Variants in PRDM16 observed in about 807,000 individuals in gnomAD.
PRDM16 encodes the protein PR/SET domain 16.
Under a neutral mutation model 110.6 loss-of-function variants are expected in PRDM16, and 23 were observed. The ratio of observed to expected loss-of-function variants is 0.21; its 90% CI spans 0.15 to 0.29. The LOEUF is 0.29. PRDM16 is among the 10% of genes least tolerant of loss of function. The pLI is 1.00. For synonymous variants in PRDM16, 799 were observed against 781.8 expected, an observed-to-expected ratio of 1.02 and a Z score of -0.37; for missense variants, 1,615 against 1,794.3, an observed-to-expected ratio of 0.90 and a Z score of 1.81.
intron 8 of PRDM16, among the ~76,000 whole-genome samples, chr1:3,408,775 T>A (rs1253113444): frequency 8.0e-6 from 1 of 125,332 alleles, no homozygotes; most frequent in African/African-American, 3.4e-5. Context: ...AGTGCATGAG[T>A]GTGGGCGCGT....
intron 2 of PRDM16, among the ~76,000 whole-genome samples, chr1:3,191,167 A>G (rs1334161590): frequency 6.6e-6 from 1 of 152,258 alleles, no homozygotes; most frequent in Non-Finnish European, 1.5e-5. Context: ...CCTCTGCTGA[A>G]GAGGCCAGGT....
chr1:3,100,298 G>A (rs967468745), intron 1 of PRDM16, among the ~76,000 whole-genome samples: 77 of 152,182 alleles, frequency 5.1e-4, no homozygotes, highest in Admixed American at 2.6e-4. Flanking sequence ...AGACCCGTTC[G>A]CTCTTCATAA....
chr1:3,433,864 G>A lies in PRDM16; in HGVS notation c.*53G>A. 1 of 1,599,328 alleles carries A rather than the reference G, an allele frequency of 6.3e-7. No individual in the cohort carries two copies. Among genetic ancestry groups the A allele is most frequent in the Non-Finnish European group, 8.5e-7 (1 of 1,173,980 alleles). ...CAGAGCGAGGGCACCAGCCACGAAG[G>A]ACGGAGGCGGGCGGGGCCCCGGAGA... On this transcript the variant is annotated 3_prime_UTR_variant, in exon 17 of 17. Coordinates refer to ENST00000270722, the MANE Select transcript of PRDM16 (RefSeq NM_022114.4).
intron 1 of PRDM16, among the ~76,000 whole-genome samples, chr1:3,123,691 C>T (rs934830937): frequency 6.6e-5 from 10 of 152,234 alleles, no homozygotes; most frequent in Admixed American, 3.9e-4. Flanking sequence ...TCAGGAGATG[C>T]GGCTGTGAGG....
intron 1 of PRDM16, among the ~76,000 whole-genome samples, chr1:3,102,052 C>T (rs1642545360): frequency 1.3e-5 from 2 of 152,206 alleles, no homozygotes; most frequent in South Asian, 4.1e-4. Flanking sequence ...TCCTGATTTA[C>T]AAAACCAAGG....
At chr1:3,218,619 C>T (rs1230602742) in intron 2 of PRDM16, among the ~76,000 whole-genome samples, 1 of 152,240 alleles carries the variant, frequency 6.6e-6, no homozygotes, top group Non-Finnish European at 1.5e-5. Flanking sequence ...CTCTGCCTTC[C>T]TTCTGGCTCT....
intron 2 of PRDM16, 38 bp downstream of exon 2, chr1:3,186,512 T>A: frequency 7.8e-7 from 1 of 1,290,172 alleles, no homozygotes; most frequent in Non-Finnish European, 1.1e-6. Context: ...ATCACGGCCA[T>A]TTATCTTGTG....
At chr1:3,191,773 C>G (rs997359778) in intron 2 of PRDM16, among the ~76,000 whole-genome samples, 1 of 152,182 alleles carries the variant, frequency 6.6e-6, no homozygotes, top group African/African-American at 2.4e-5. Context: ...CCCAGCCAGG[C>G]ACCTGGCTCC....
intron 2 of PRDM16, among the ~76,000 whole-genome samples, chr1:3,197,511 C>A (rs74048303): frequency 6.6e-6 from 1 of 152,250 alleles, no homozygotes; most frequent in Non-Finnish European, 1.5e-5. Flanking sequence ...ACCTGCAGTG[C>A]GGTCCCTGCA....
At chr1:3,233,582 G>A (rs1639468655) in intron 2 of PRDM16, among the ~76,000 whole-genome samples, 1 of 152,242 alleles carries the variant, frequency 6.6e-6, no homozygotes. Flanking sequence ...CCCTGTGAGT[G>A]CGGCCAGCCT....
intron 2 of PRDM16, among the ~76,000 whole-genome samples, chr1:3,212,402 G>A (rs1042938045): frequency 6.6e-6 from 1 of 152,142 alleles, no homozygotes; most frequent in African/African-American, 2.4e-5. Context: ...CCTGAGCGGG[G>A]GCACCTTTGA....
At chr1:3,404,092 G>C (rs1045316473) in intron 6 of PRDM16, among the ~76,000 whole-genome samples, 5 of 152,206 alleles carry the variant, frequency 3.3e-5, no homozygotes, top group Admixed American at 6.5e-5. Context: ...TGAATGGATG[G>C]CTGGGCCCCG....
chr1:3,104,810 C>T (rs1642614045), intron 1 of PRDM16, among the ~76,000 whole-genome samples: 1 of 152,146 alleles, frequency 6.6e-6, no homozygotes, highest in African/African-American at 2.4e-5. Flanking sequence ...CCCTGAAGGG[C>T]AGGGATGCTT....
chr1:3,426,130 A>G lies in PRDM16; in HGVS notation c.3189A>G (p.Ala1063=), dbSNP rs1557670065. 3.4e-5 allele frequency: 55 copies of G among 1,613,858 alleles called. No individual in the cohort carries two copies. The highest frequency in any genetic ancestry group is 4.3e-5 in the Non-Finnish European group (51 of 1,179,994). ...CCACCTCAGAGTCGGACAACCACGC[A>G]CTTTTAGACGAGAAAGAAGACTCTT... ...SSPTSESDNH[A]LLDEKEDSYF... is the part of the protein sequence containing the mutation. Residue 1063 remains alanine, a synonymous_variant, in exon 14 of 17, where the codon GCA becomes GCG. Transcript: ENST00000270722.
At chr1:3,389,008 ACTGT>A (rs1643248740) in intron 4 of PRDM16, among the ~76,000 whole-genome samples, 1 of 152,170 alleles carries the variant, frequency 6.6e-6, no homozygotes, top group East Asian at 1.9e-4. Context: ...CCCGGTTCTG[ACTGT>A]CTGGCCAGGA....
intron 1 of PRDM16, among the ~76,000 whole-genome samples, chr1:3,123,994 C>G (rs533764891): frequency 6.6e-6 from 1 of 152,206 alleles, no homozygotes; most frequent in African/African-American, 2.4e-5. Context: ...GGTGGGCGTC[C>G]GAGTCGTCTC....
intron 3 of PRDM16, among the ~76,000 whole-genome samples, chr1:3,288,899 C>T (rs962093306): frequency 6.6e-6 from 1 of 152,184 alleles, no homozygotes; most frequent in Non-Finnish European, 1.5e-5. Flanking sequence ...CCACATTGAC[C>T]AGTGCCTGCT....
intron 3 of PRDM16, among the ~76,000 whole-genome samples, chr1:3,298,665 G>T (rs1557590167): frequency 6.6e-6 from 1 of 152,050 alleles, no homozygotes. Context: ...CTTGTTCAGT[G>T]CCAACATTCT....
At chr1:3,289,484 C>G (rs780613952) in intron 3 of PRDM16, among the ~76,000 whole-genome samples, 1 of 152,370 alleles carries the variant, frequency 6.6e-6, no homozygotes, top group African/African-American at 2.4e-5. Context: ...TTCCAGAAAT[C>G]ATTTCATCCT....
Sources: allele counts gnomAD v4.1 joint callset (sites outside exome capture counted in the v4.1 genomes callset), GRCh38; gene constraint gnomAD v4.1.1; transcripts MANE v1.5; gene names NCBI Gene and HGNC (gene_info 2026-07-23, HGNC 2026-07-21).